The following LCORL variants were observed in gnomAD, a reference collection of about 807,000 sequenced individuals.
LCORL encodes the protein ligand-dependent nuclear receptor corepressor-like protein.
In LCORL, 41 loss-of-function variants were observed where a neutral mutation model predicts 141.8. The ratio of observed to expected loss-of-function variants is 0.29; its 90% CI spans 0.23 to 0.38. The LOEUF (loss-of-function observed/expected upper bound fraction) is 0.38. Ranked by LOEUF, LCORL falls within the 10% of genes least tolerant of loss-of-function variation. The pLI, the probability that LCORL is intolerant of heterozygous loss-of-function variation, is 1.00. For missense variants in LCORL, 1,759 were observed against 2,035.0 expected (o/e 0.86, Z 2.61); for synonymous variants, 618 against 694.1 (o/e 0.89, Z 1.72).
chr4:17,950,647 C>A (rs948523967), intron 4 of LCORL, among the ~76,000 whole-genome samples: 5 of 151,934 alleles, frequency 3.3e-5, no homozygotes, highest in African/African-American at 1.2e-4. Flanking sequence ...GACCATAAAG[C>A]AAAAGTCTTA....
At chr4:17,979,143 C>T (rs543076995) in intron 1 of LCORL, among the ~76,000 whole-genome samples, 2 of 151,982 alleles carry the variant, frequency 1.3e-5, no homozygotes, top group African/African-American at 2.4e-5. Flanking sequence ...TGAGAACATG[C>T]GGTGTTTGGT....
intron 4 of LCORL, among the ~76,000 whole-genome samples, chr4:17,952,108 TA>T (rs1739818680): frequency 6.6e-6 from 1 of 152,160 alleles, no homozygotes; most frequent in African/African-American, 2.4e-5. Context: ...ATAAAGTACT[TA>T]AATATAAAGT....
chr4:17,955,341 G>A (rs1185738365), intron 4 of LCORL, among the ~76,000 whole-genome samples: 4 of 152,124 alleles, frequency 2.6e-5, no homozygotes, highest in African/African-American at 9.7e-5. Flanking sequence ...TGGAGTGGTA[G>A]GAAAGAAAGT....
chr4:17,984,031 G>T (rs957716044), intron 1 of LCORL, among the ~76,000 whole-genome samples: 2 of 152,088 alleles, frequency 1.3e-5, no homozygotes, highest in South Asian at 2.1e-4. Context: ...TAATCATGTG[G>T]TTTTTTGTCC....
intron 4 of LCORL, among the ~76,000 whole-genome samples, chr4:17,939,084 C>T (rs1003510895): frequency 1.3e-5 from 2 of 152,160 alleles, no homozygotes; most frequent in East Asian, 1.9e-4. Context: ...TACAAATCAA[C>T]AGAAAGCAAA....
exon 7 of LCORL, chr4:17,876,160 T>C: frequency 8.1e-7 from 1 of 1,231,026 alleles, no homozygotes. Flanking sequence ...CCTTCATATT[T>C]TGCTGGTACA....
chr4:17,979,438 T>C (rs540811453), intron 1 of LCORL, among the ~76,000 whole-genome samples: 1 of 152,342 alleles, frequency 6.6e-6, no homozygotes, highest in Admixed American at 6.5e-5. Flanking sequence ...ATCTCAGCAA[T>C]TTATACAAGC....
Position 18,021,813 on chromosome 4 carries a change from C to G in LCORL, c.-62G>C. The G allele has an allele frequency of 3.8e-6, 5 of 1,308,404 alleles. No individual in the cohort carries two copies. The highest frequency in any genetic ancestry group is 5.0e-6 in the Non-Finnish European group (5 of 1,007,950). The allele number at this position is 1,308,404 out of a possible 1,614,324, so 81.0% of individuals were successfully genotyped here. On this transcript the variant is annotated 5_prime_UTR_variant, in exon 1 of 8. Transcript: ENST00000635767. The surrounding 1 kb of genome is among the most constrained non-coding windows in gnomAD (Gnocchi z 5.5). ...GCAGCGCAGGCACGAGGCAGGGGCG[C>G]GAGCCCTCGGCGCGAGCCCCGGAGC...
intron 1 of LCORL, among the ~76,000 whole-genome samples, chr4:17,991,113 AATAAATAAAAG>A (rs1719944359): frequency 6.6e-6 from 1 of 152,204 alleles, no homozygotes; most frequent in African/African-American, 2.4e-5. Context: ...AAAATTTTTT[AATAAATAAAAG>A]ATGAATAAAA....
intron 5 of LCORL, among the ~76,000 whole-genome samples, chr4:17,904,755 C>A (rs1731359564): frequency 6.6e-6 from 1 of 152,114 alleles, no homozygotes; most frequent in South Asian, 2.1e-4. Flanking sequence ...TTTATCCTGG[C>A]CAATAGCACC....
At position 17,878,040 on chromosome 4, in the gene LCORL, C is replaced by A. The variant is rs975001421; in HGVS notation, c.950G>T (p.Cys317Phe). The A allele has an allele frequency of 2.1e-5, 26 of 1,230,464 alleles. No individual in the cohort carries two copies. In the African/African-American group the frequency reaches 3.7e-4, roughly 18 times the overall value. 76.2% of individuals were successfully genotyped at this position (1,230,464 alleles called of 1,614,324 possible). A position where few individuals can be genotyped will look rare whatever the true frequency, so the allele number is the denominator to read the frequency against. Residue 317 changes from cysteine to phenylalanine, a missense_variant, in exon 7 of 8, where the codon TGT becomes TTT. Around this residue, in one of 5 missense-constraint regions of LCORL, gnomAD observed 1,311 missense variants for 1,531.3 expected, o/e 0.86. Transcript: ENST00000635767. Reference sequence around the variant, plus strand: ...CTTTTGAGATTCTGAAGACACAACACATGATGTATTACAACAGCAAAGAGA... The same window carrying A: ...CTTTTGAGATTCTGAAGACACAACAAATGATGTATTACAACAGCAAAGAGA...
intron 4 of LCORL, among the ~76,000 whole-genome samples, chr4:17,933,159 T>C (rs1736319416): frequency 6.6e-6 from 1 of 152,154 alleles, no homozygotes. Flanking sequence ...TGTTATTCTG[T>C]GTCAATAATC....
intron 5 of LCORL, among the ~76,000 whole-genome samples, chr4:17,898,659 T>G (rs1375400990): frequency 2.6e-5 from 4 of 151,596 alleles, no homozygotes; most frequent in Non-Finnish European, 4.4e-5. Context: ...ACCGTTTTTT[T>G]TTTTTTTTTT....
At chr4:17,917,039 A>G (rs1475677879) in intron 4 of LCORL, among the ~76,000 whole-genome samples, 5 of 150,916 alleles carry the variant, frequency 3.3e-5, no homozygotes, top group Admixed American at 1.3e-4. Flanking sequence ...TGCAATGACA[A>G]TCTCGGCTCA....
Position 17,898,450 on chromosome 4 carries a change from T to C in LCORL, c.682+10644A>G, listed in dbSNP as rs1052407639. On this transcript the variant is annotated intron_variant, in intron 5 of 7. Coordinates refer to ENST00000635767, the Ensembl canonical transcript of LCORL. ...CATAAAACTCAATAACAAGATCTGT[T>C]GAGAGCACTTCCATTCCTGTCTCAT... Among the ~76,000 whole-genome samples the C allele has an allele frequency of 2.0e-5, 3 of 152,160 alleles. No homozygotes were observed. In the East Asian group the frequency reaches 5.8e-4, roughly 29 times the overall value.
chr4:17,994,934 A>G (rs1462544466), intron 1 of LCORL, among the ~76,000 whole-genome samples: 4 of 138,950 alleles, frequency 2.9e-5, no homozygotes, highest in Admixed American at 2.8e-4. Flanking sequence ...TTTGTTGTAT[A>G]AATGTTTGAG....
chr4:17,933,954 G>T (rs1311257041), intron 4 of LCORL, among the ~76,000 whole-genome samples: 3 of 151,974 alleles, frequency 2.0e-5, no homozygotes, highest in African/African-American at 7.2e-5. Flanking sequence ...AAGATTCTAA[G>T]TAACAGTCCT....
chr4:17,957,342 A>C (rs897822368), intron 4 of LCORL, among the ~76,000 whole-genome samples: 1 of 152,054 alleles, frequency 6.6e-6, no homozygotes, highest in Non-Finnish European at 1.5e-5. Flanking sequence ...TAAAAACAAT[A>C]GCAAGTGAGA....
intron 4 of LCORL, among the ~76,000 whole-genome samples, chr4:17,924,872 G>C (rs116666575): frequency 2.6e-5 from 4 of 152,126 alleles, no homozygotes; most frequent in Non-Finnish European, 5.9e-5. Flanking sequence ...GGGCTAGGGC[G>C]AAGTTCTCCA....
Sources: gnomAD v4.1 joint callset for allele counts (sites outside exome capture counted in the v4.1 genomes callset) on GRCh38, gnomAD v4.1.1 for gene constraint, gnomAD v4.1.1 regional missense constraint, Gnocchi (gnomAD v3.1) non-coding constraint, MANE v1.5 for transcripts, NCBI Gene and HGNC (gene_info 2026-07-23, HGNC 2026-07-21) for gene names.